The following RTN4RL1 variants were observed in gnomAD, a reference collection of about 807,000 sequenced individuals.
RTN4RL1 encodes reticulon-4 receptor-like 1.
Under a neutral mutation model 25.6 loss-of-function variants are expected in RTN4RL1, and 7 were observed. That is an observed-to-expected ratio of 0.27 (90% CI 0.16 to 0.51). The LOEUF (loss-of-function observed/expected upper bound fraction) is 0.51. Ranked by LOEUF, RTN4RL1 falls within the 20% of genes least tolerant of loss-of-function variation. The pLI is 0.97. For missense variants in RTN4RL1, 500 were observed against 615.6 expected (o/e 0.81, Z 1.99); for synonymous variants, 297 against 288.2 (o/e 1.03, Z -0.31).
chr17:1,954,317 A>G (rs886361576), intron 1 of RTN4RL1, among the ~76,000 whole-genome samples: 1 of 151,834 alleles, frequency 6.6e-6, no homozygotes, highest in Non-Finnish European at 1.5e-5. Flanking sequence ...GACCTGCTCC[A>G]GAAGCCTCCC....
rs1220499634 is a variant in RTN4RL1 at position 1,936,404 on chromosome 17, C to A, written c.*92G>T. On this transcript the variant is annotated 3_prime_UTR_variant, in exon 2 of 2. Transcript: ENST00000331238. ...GGCTCTACCAGCCTTTTCCTGAAAC[C>A]CAGCAGATCTTCCACTTGTTAAAAA... 1 of 1,455,186 alleles carries A rather than the reference C, an allele frequency of 6.9e-7. No homozygotes were observed. The highest frequency in any genetic ancestry group is 9.0e-7 in the Non-Finnish European group (1 of 1,110,106). The allele number at this position is 1,455,186 out of a possible 1,614,324, so 90.1% of individuals were successfully genotyped here. A position where few individuals can be genotyped will look rare whatever the true frequency, so the allele number is the denominator to read the frequency against.
intron 1 of RTN4RL1, among the ~76,000 whole-genome samples, chr17:2,017,339 C>A (rs754340323): frequency 2.0e-5 from 3 of 152,236 alleles, no homozygotes; most frequent in Admixed American, 6.5e-5. Flanking sequence ...ACTCAGTGAG[C>A]TGCCAAGTGG....
At chr17:1,990,671 A>G (rs529643700) in intron 1 of RTN4RL1, among the ~76,000 whole-genome samples, 1 of 152,330 alleles carries the variant, frequency 6.6e-6, no homozygotes, top group South Asian at 2.1e-4. Flanking sequence ...ACTGCACTCC[A>G]GCCTGGGCAA....
At chr17:1,986,447 T>C (rs563078638) in intron 1 of RTN4RL1, among the ~76,000 whole-genome samples, 20 of 152,252 alleles carry the variant, frequency 1.3e-4, no homozygotes, top group Non-Finnish European at 2.5e-4. Flanking sequence ...TCTTTGTCGA[T>C]GTAATTAAGT....
intron 1 of RTN4RL1, among the ~76,000 whole-genome samples, chr17:1,969,035 G>A (rs1054902589): frequency 2.0e-5 from 3 of 150,120 alleles, no homozygotes; most frequent in South Asian, 2.1e-4. Flanking sequence ...AGTCAGACTC[G>A]TGGGGGAGCT....
At chr17:1,981,899 G>A (rs964009414) in intron 1 of RTN4RL1, among the ~76,000 whole-genome samples, 3 of 152,204 alleles carry the variant, frequency 2.0e-5, no homozygotes, top group East Asian at 3.8e-4. Flanking sequence ...AGAGCCTACC[G>A]CACACCTAGG....
chr17:1,950,025 C>T (rs916827671), intron 1 of RTN4RL1, among the ~76,000 whole-genome samples: 10 of 152,218 alleles, frequency 6.6e-5, no homozygotes, highest in African/African-American at 2.4e-4. Context: ...AGGAGCCAGG[C>T]CTCGTATGGC....
intron 1 of RTN4RL1, among the ~76,000 whole-genome samples, chr17:2,021,707 A>G (rs1322065098): frequency 1.3e-5 from 2 of 151,880 alleles, no homozygotes; most frequent in Admixed American, 1.3e-4. Flanking sequence ...GGCATGAACC[A>G]GCACGCCCGG....
At chr17:1,939,490 G>A (rs886484665) in intron 1 of RTN4RL1, among the ~76,000 whole-genome samples, 4 of 152,096 alleles carry the variant, frequency 2.6e-5, no homozygotes, top group Non-Finnish European at 5.9e-5. Context: ...GCTGTCAGGC[G>A]AGGCTGCCCC....
chr17:1,993,636 G>A (rs4790303), intron 1 of RTN4RL1, among the ~76,000 whole-genome samples: 74,068 of 151,808 alleles, frequency 0.49, 18,316 homozygotes, highest in Middle Eastern at 0.54. Flanking sequence ...TAAAGCATCC[G>A]TTCCCTTCCC....
At chr17:1,956,714 A>G (rs1334303269) in intron 1 of RTN4RL1, among the ~76,000 whole-genome samples, 2 of 150,154 alleles carry the variant, frequency 1.3e-5, no homozygotes, top group Non-Finnish European at 1.5e-5. Context: ...GGTGAGGGAA[A>G]CATCACTGCA....
intron 1 of RTN4RL1, among the ~76,000 whole-genome samples, chr17:1,986,411 C>A (rs1456396813): frequency 6.6e-6 from 1 of 152,036 alleles, no homozygotes; most frequent in African/African-American, 2.4e-5. Flanking sequence ...ATCCCTGGAG[C>A]CTGTGACCTT....
At chr17:1,947,845 G>T (rs918871623) in intron 1 of RTN4RL1, among the ~76,000 whole-genome samples, 4 of 152,240 alleles carry the variant, frequency 2.6e-5, no homozygotes, top group Non-Finnish European at 5.9e-5. Context: ...GCAGCACATT[G>T]CAGTGGGATG....
intron 1 of RTN4RL1, among the ~76,000 whole-genome samples, chr17:1,991,755 G>A (rs1426640788): frequency 6.6e-6 from 1 of 152,166 alleles, no homozygotes; most frequent in Non-Finnish European, 1.5e-5. Context: ...CATCGCACGG[G>A]GGTGTTGTCA....
At position 1,937,609 on chromosome 17, in the gene RTN4RL1, G is replaced by T. The variant is rs757441487; in HGVS notation, c.213C>A (p.Pro71=). Residue 71 remains proline (P), a synonymous_variant, in exon 2 of 2, where the codon CCC becomes CCA. Coordinates refer to ENST00000331238, the MANE Select transcript of RTN4RL1 (RefSeq NM_178568.4). ...LQNNRIGLLQ[P]GHFSPAMVTL... is the part of the protein sequence containing the mutation. The stretch of plus-strand genomic sequence containing the variant: ...TGACCATGGCGGGGCTGAAGTGGCC[G>T]GGCTGGAGGAGGCCGATGCGGTTGT... 22 of 1,613,896 alleles carry T rather than the reference G, an allele frequency of 1.4e-5. No individual in the cohort carries two copies. Among genetic ancestry groups the T allele is most frequent in the Non-Finnish European group, 1.9e-5 (22 of 1,179,812 alleles).
At chr17:2,013,389 C>T (rs184825571) in intron 1 of RTN4RL1, among the ~76,000 whole-genome samples, 1 of 152,346 alleles carries the variant, frequency 6.6e-6, no homozygotes, top group East Asian at 1.9e-4. Flanking sequence ...TTTCGGCACA[C>T]CAGCCTGACT....
chr17:1,964,587 C>T (rs1181906662), intron 1 of RTN4RL1, among the ~76,000 whole-genome samples: 1 of 151,718 alleles, frequency 6.6e-6, no homozygotes, highest in Non-Finnish European at 1.5e-5. Context: ...AAAACATTAG[C>T]CGGGCGTGGT....
At chr17:1,979,513 G>T (rs1234808761) in intron 1 of RTN4RL1, among the ~76,000 whole-genome samples, 5 of 37,206 alleles carry the variant, frequency 1.3e-4, no homozygotes, top group Admixed American at 1.2e-3. Context: ...GGAAAGAAAA[G>T]AAATGCTGAG....
chr17:1,936,325 A>G lies in RTN4RL1; in HGVS notation c.*171T>C. ...CACCCCCTCCCGCCTAGGGCTGTAC[A>G]CTTTGGGTTTATAATCCACATGGCA... On this transcript the variant is annotated 3_prime_UTR_variant, in exon 2 of 2. Transcript: ENST00000331238. 7.0e-7 allele frequency: 1 copy of G among 1,423,734 alleles called. No individual in the cohort carries two copies. The highest frequency in any genetic ancestry group is 9.1e-7 in the Non-Finnish European group (1 of 1,095,328). The allele number at this position is 1,423,734 out of a possible 1,614,324, so 88.2% of individuals were successfully genotyped here.
Sources: gnomAD v4.1 joint callset for allele counts (sites outside exome capture counted in the v4.1 genomes callset) on GRCh38, gnomAD v4.1.1 for gene constraint, MANE v1.5 for transcripts, NCBI Gene and HGNC (gene_info 2026-07-23, HGNC 2026-07-21) for gene names.